Variants in NPAS3 observed in about 807,000 individuals in gnomAD.
NPAS3 encodes neuronal PAS domain protein 3.
Under a neutral mutation model 73.1 loss-of-function variants are expected in NPAS3, and 14 were observed. That is an observed-to-expected ratio of 0.19 (90% CI 0.13 to 0.30). The LOEUF (loss-of-function observed/expected upper bound fraction) is 0.30, where lower values mean the gene tolerates loss of function less well. NPAS3 is among the 10% of genes least tolerant of loss of function. NPAS3 has a pLI of 1.00. For missense variants in NPAS3, 1,096 were observed against 1,250.0 expected (o/e 0.88, Z 1.86); for synonymous variants, 620 against 541.5 (o/e 1.14, Z -2.01).
chr14:33,476,496 G>A (rs556408085), intron 4 of NPAS3, among the ~76,000 whole-genome samples: 16 of 152,136 alleles, frequency 1.1e-4, no homozygotes, highest in Non-Finnish European at 2.1e-4. Context: ...TCTGAATGTC[G>A]GTATTTCTAC....
At chr14:33,475,726 A>C (rs2050998516) in intron 4 of NPAS3, among the ~76,000 whole-genome samples, 1 of 152,144 alleles carries the variant, frequency 6.6e-6, no homozygotes, top group African/African-American at 2.4e-5. Flanking sequence ...GTTGGGGTTA[A>C]AGGTAAACTG....
intron 3 of NPAS3, among the ~76,000 whole-genome samples, chr14:33,263,481 C>A (rs565865645): frequency 1.3e-5 from 2 of 152,062 alleles, no homozygotes; most frequent in African/African-American, 2.4e-5. Context: ...TGGTCTATAT[C>A]TCTGTTTTGG....
At chr14:33,197,775 C>T (rs2046427823) in intron 2 of NPAS3, among the ~76,000 whole-genome samples, 1 of 152,228 alleles carries the variant, frequency 6.6e-6, no homozygotes, top group African/African-American at 2.4e-5. Flanking sequence ...ATCCTGCCAT[C>T]TTGAATCCTT....
intron 1 of NPAS3, among the ~76,000 whole-genome samples, chr14:32,971,862 C>T (rs912284218): frequency 1.3e-5 from 2 of 151,190 alleles, no homozygotes; most frequent in Admixed American, 6.6e-5. Context: ...TGGTAAACAG[C>T]ATTTATTAAG....
intron 4 of NPAS3, among the ~76,000 whole-genome samples, chr14:33,484,697 A>G (rs2051495548): frequency 6.6e-6 from 1 of 152,236 alleles, no homozygotes; most frequent in Non-Finnish European, 1.5e-5. Flanking sequence ...GCCACTGTCA[A>G]AAGAAAGGTG....
chr14:33,105,275 G>A (rs1358389308), intron 2 of NPAS3, among the ~76,000 whole-genome samples: 2 of 152,076 alleles, frequency 1.3e-5, no homozygotes, highest in Non-Finnish European at 2.9e-5. Flanking sequence ...CTTCCAAGGA[G>A]CATCAAACTT....
chr14:33,378,406 G>T (rs959217890), intron 4 of NPAS3, among the ~76,000 whole-genome samples: 3 of 152,064 alleles, frequency 2.0e-5, no homozygotes, highest in African/African-American at 7.2e-5. Context: ...CCCTTTTTAA[G>T]TTTGGTGTTC....
chr14:33,732,945 T>G (rs898622425), intron 6 of NPAS3, among the ~76,000 whole-genome samples: 4 of 152,172 alleles, frequency 2.6e-5, no homozygotes, highest in African/African-American at 9.7e-5. Flanking sequence ...TACTGTGCAG[T>G]TCTCCATATA....
chr14:33,693,931 G>T (rs2060302367), intron 6 of NPAS3, among the ~76,000 whole-genome samples: 1 of 151,970 alleles, frequency 6.6e-6, no homozygotes, highest in African/African-American at 2.4e-5. Flanking sequence ...TTTCCTTGCG[G>T]ACCTGCGTAC....
chr14:33,245,483 G>C (rs1436040729), intron 3 of NPAS3, among the ~76,000 whole-genome samples: 1 of 152,114 alleles, frequency 6.6e-6, no homozygotes, highest in Non-Finnish European at 1.5e-5. Context: ...GGTGCTTCCT[G>C]GTTCTGAAAT....
chr14:33,599,880 A>G (rs989297062), intron 5 of NPAS3, among the ~76,000 whole-genome samples: 7 of 152,228 alleles, frequency 4.6e-5, no homozygotes, highest in African/African-American at 1.4e-4. Flanking sequence ...TTAGCCTTAA[A>G]ACAAGTGATG....
At chr14:33,112,880 C>T (rs186260571) in intron 2 of NPAS3, among the ~76,000 whole-genome samples, 23,851 of 152,090 alleles carry the variant, frequency 0.16, 2,162 homozygotes, top group East Asian at 0.43. Context: ...CAGCTTTCTA[C>T]ATATGGCTAG....
At chr14:33,656,413 A>G (rs936354157) in intron 5 of NPAS3, among the ~76,000 whole-genome samples, 1 of 152,194 alleles carries the variant, frequency 6.6e-6, no homozygotes, top group Non-Finnish European at 1.5e-5. Context: ...GTCTCATTTT[A>G]CAGATGAGAA....
chr14:32,934,919 C>CGGCCGGCGCGGGCATGGGGAG (rs910682301), upstream of NPAS3: 1 of 1,043,932 alleles, frequency 9.6e-7, no homozygotes, highest in African/African-American at 1.7e-5. This position sits in a 1 kb window ranked among gnomAD's most constrained non-coding sequence, Gnocchi z 4.1. Context: ...GCGGGGGTGC[C>CGGCCGGCGCGGGCATGGGGAG]GGCCGGCGCG....
In NPAS3 at chr14:33,186,856, T is replaced by A. The variant is rs142484135; in HGVS notation, c.141-28326T>A. Among the ~76,000 whole-genome samples the A allele has an allele frequency of 1.6e-4, 25 of 152,280 alleles. No individual in the cohort carries two copies. In the East Asian group the frequency reaches 4.6e-3, roughly 28 times the overall value. On this transcript the variant is annotated intron_variant, in intron 2 of 11. Transcript: ENST00000356141. Reference sequence around the variant, plus strand: ...TTTGTCCCTAGGGAATATTTAGTCATCTCTGGAGCCATTTTTGGCTGCTAC... The same window carrying A: ...TTTGTCCCTAGGGAATATTTAGTCAACTCTGGAGCCATTTTTGGCTGCTAC...
intron 4 of NPAS3, among the ~76,000 whole-genome samples, chr14:33,401,174 T>TTTATTTAA (rs1566868941): frequency 6.6e-6 from 1 of 152,152 alleles, no homozygotes; most frequent in African/African-American, 2.4e-5. Flanking sequence ...CCTTGCAATA[T>TTTATTTAA]TTATTTAATT....
intron 5 of NPAS3, chr14:33,583,291 A>G (rs572119571): frequency 1.3e-5 from 2 of 152,322 alleles, no homozygotes; most frequent in East Asian, 3.9e-4. Flanking sequence ...TGACCTCTTC[A>G]GGGTTCCAGT....
chr14:33,608,804 C>T (rs1223502355), intron 5 of NPAS3, among the ~76,000 whole-genome samples: 1 of 152,158 alleles, frequency 6.6e-6, no homozygotes. Flanking sequence ...AGCTTAGAAG[C>T]CTATTGAAAG....
rs1567009540 is a variant in NPAS3, at chr14:33,564,802, A to G, written c.558+4592A>G. ...CACCTATCCCAGCAAAGTGCATTCA[A>G]GTTAATATAGGGTCCTGTTTACAAC... On this transcript the variant is annotated intron_variant, in intron 5 of 11. Coordinates refer to ENST00000356141, the Ensembl canonical transcript of NPAS3. 2.6e-5 allele frequency among the ~76,000 whole-genome samples: 4 copies of G among 152,226 alleles called. No individual in the cohort carries two copies. The South Asian group carries it at 8.3e-4, about 32-fold the overall frequency.
Sources: allele counts gnomAD v4.1 joint callset (sites outside exome capture counted in the v4.1 genomes callset), GRCh38; gene constraint gnomAD v4.1.1; non-coding constraint Gnocchi (gnomAD v3.1); transcripts MANE v1.5; gene names NCBI Gene and HGNC (gene_info 2026-07-23, HGNC 2026-07-21).